Variants in SLC9A2 observed in about 807,000 individuals in gnomAD.
The protein encoded by SLC9A2 is solute carrier family 9 member A2.
In SLC9A2, 42 loss-of-function variants were observed where a neutral mutation model predicts 71.7. The observed-to-expected ratio is 0.59, with a 90% CI of 0.46 to 0.76. The LOEUF (loss-of-function observed/expected upper bound fraction) is 0.76, where lower values mean the gene tolerates loss of function less well. Ranked by LOEUF, SLC9A2 falls within the 30% of genes least tolerant of loss-of-function variation. The pLI, the probability that SLC9A2 is intolerant of heterozygous loss-of-function variation, is 0.00. For synonymous variants in SLC9A2, 396 were observed against 392.5 expected (o/e 1.01, Z -0.10); for missense variants, 829 against 1,017.4 (o/e 0.81, Z 2.52).
At chr2:102,702,355 G>A (rs1185489031) in intron 8 of SLC9A2, 51 bp from the exon 9 acceptor site, 1 of 993,118 alleles carries the variant, frequency 1.0e-6, no homozygotes. Flanking sequence ...GAAAATCAAT[G>A]ATTCTAATAT....
At chr2:102,623,062 T>G (rs1676174129) in intron 1 of SLC9A2, among the ~76,000 whole-genome samples, 1 of 152,122 alleles carries the variant, frequency 6.6e-6, no homozygotes, top group African/African-American at 2.4e-5. Context: ...CACTAGCATC[T>G]TTTTAGCCCA....
At chr2:102,650,528 A>G (rs781777113) in intron 1 of SLC9A2, among the ~76,000 whole-genome samples, 7 of 152,224 alleles carry the variant, frequency 4.6e-5, no homozygotes, top group Non-Finnish European at 1.5e-5. Flanking sequence ...TCTGTTTTTT[A>G]GATTATTTTT....
intron 3 of SLC9A2, among the ~76,000 whole-genome samples, chr2:102,677,258 G>T (rs75496866): frequency 1.3e-5 from 2 of 151,304 alleles, no homozygotes; most frequent in East Asian, 3.9e-4. Context: ...AATCATTTAA[G>T]TAGAAAGGAA....
intron 7 of SLC9A2, among the ~76,000 whole-genome samples, chr2:102,695,652 A>G (rs1434410796): frequency 6.6e-6 from 1 of 150,816 alleles, no homozygotes; most frequent in Admixed American, 6.7e-5. Context: ...TTGGCTGAAA[A>G]CTAGGGCTTC....
intron 4 of SLC9A2, 91 bp from the exon 5 acceptor site, chr2:102,684,043 C>T (rs1677503732): frequency 1.1e-6 from 1 of 909,014 alleles, no homozygotes; most frequent in East Asian, 2.5e-5. Flanking sequence ...AATCCTTTGT[C>T]CCCATCGCAG....
At position 102,708,928 on chromosome 2, in the gene SLC9A2, G is replaced by C. The variant is rs1164131672; in HGVS notation, c.*439G>C. On this transcript the variant is annotated 3_prime_UTR_variant, in exon 12 of 12. Transcript: ENST00000233969. Reference sequence around the variant, plus strand: ...TATCGAGAACAGCTTTCTTTCCCAGGGGTGAAGGATGGCGCTCGGGGGTGA... The same window carrying C: ...TATCGAGAACAGCTTTCTTTCCCAGCGGTGAAGGATGGCGCTCGGGGGTGA... The C allele has an allele frequency of 6.0e-6, 1 of 166,842 alleles. No homozygotes were observed. Among genetic ancestry groups the C allele is most frequent in the Admixed American group, 6.0e-5 (1 of 16,618 alleles). The allele number at this position is 166,842 out of a possible 1,614,324, so 10.3% of individuals were successfully genotyped here.
intron 11 of SLC9A2, among the ~76,000 whole-genome samples, chr2:102,707,078 C>A (rs1014419233): frequency 1.3e-5 from 2 of 152,052 alleles, no homozygotes; most frequent in African/African-American, 4.8e-5. Context: ...GAAAAATAAA[C>A]ACTAGGGATT....
chr2:102,657,432 A>T, intron 1 of SLC9A2, 132 bp from the exon 2 acceptor site: 1 of 626,876 alleles, frequency 1.6e-6, no homozygotes, highest in Non-Finnish European at 2.8e-6. Flanking sequence ...CTGGGAAGCC[A>T]TTGTAAAGAC....
intron 11 of SLC9A2, among the ~76,000 whole-genome samples, chr2:102,706,733 A>C (rs1677984560): frequency 6.6e-6 from 1 of 152,246 alleles, no homozygotes; most frequent in Admixed American, 6.5e-5. Context: ...CATGGGGCCC[A>C]AGGGCAGGTA....
intron 3 of SLC9A2, among the ~76,000 whole-genome samples, chr2:102,677,448 G>A (rs1260386607): frequency 6.6e-6 from 1 of 152,072 alleles, no homozygotes; most frequent in African/African-American, 2.4e-5. Flanking sequence ...TCTCTAAATT[G>A]GTGATAATCA....
chr2:102,640,622 C>T (rs985640151), intron 1 of SLC9A2, among the ~76,000 whole-genome samples: 6 of 152,300 alleles, frequency 3.9e-5, no homozygotes, highest in Middle Eastern at 3.4e-3. Context: ...CTTCTATTTC[C>T]TCTCAGCATG....
intron 3 of SLC9A2, among the ~76,000 whole-genome samples, chr2:102,670,618 A>C (rs1002036407): frequency 2.0e-5 from 3 of 150,994 alleles, no homozygotes; most frequent in East Asian, 1.9e-4. Flanking sequence ...AAAAAAAAAA[A>C]AAAACAACCC....
intron 1 of SLC9A2, among the ~76,000 whole-genome samples, chr2:102,635,117 ATTGCTATT>A (rs1471327896): frequency 2.0e-5 from 3 of 152,344 alleles, no homozygotes; most frequent in African/African-American, 7.2e-5. Flanking sequence ...TAAAGTAATT[ATTGCTATT>A]TTAGAAATGT....
At chr2:102,684,005 A>AG (rs1677503368) in intron 4 of SLC9A2, 129 bp from the exon 5 acceptor site, 1 of 667,700 alleles carries the variant, frequency 1.5e-6, no homozygotes, top group African/African-American at 1.8e-5. Flanking sequence ...ACAGAGAAAA[A>AG]GGGGAAAGAC....
In SLC9A2 at chr2:102,663,685, C is replaced by T. The variant is rs181271985; in HGVS notation, c.754-1415C>T. On this transcript the variant is annotated intron_variant, in intron 2 of 11. Transcript: ENST00000233969. ...CAAATGGGATCAGTTTTGAGTTTCT[C>T]AGAACCCAAATGAGGGTGTAGCACA... 1.3e-3 allele frequency among the ~76,000 whole-genome samples: 193 copies of T among 152,316 alleles called. No homozygotes were observed. In the Middle Eastern group the frequency reaches 0.014, roughly 11 times the overall value.
At chr2:102,624,697 C>A (rs1259623978) in intron 1 of SLC9A2, among the ~76,000 whole-genome samples, 2 of 152,146 alleles carry the variant, frequency 1.3e-5, no homozygotes, top group African/African-American at 4.8e-5. Flanking sequence ...ACTGGTCACT[C>A]TGCTCTTTTG....
rs1360209664 is a variant in SLC9A2 at position 102,709,344 on chromosome 2, A to G, written c.*855A>G. ...CATGTGGCAAGTAGGGCCACAGGGC[A>G]GCACCTGGTTACAACTTGCTGGTGG... On this transcript the variant is annotated 3_prime_UTR_variant, in exon 12 of 12. Coordinates refer to ENST00000233969, the MANE Select transcript of SLC9A2 (RefSeq NM_003048.6). 6.6e-6 allele frequency: 1 copy of G among 152,094 alleles called. No homozygotes were observed. Among genetic ancestry groups the G allele is most frequent in the African/African-American group, 2.4e-5 (1 of 41,156 alleles). 9.4% of individuals were successfully genotyped at this position (152,094 alleles called of 1,614,324 possible).
chr2:102,702,645 T>C, intron 9 of SLC9A2, 143 bp downstream of exon 9: 1 of 593,638 alleles, frequency 1.7e-6, no homozygotes, highest in Non-Finnish European at 3.0e-6. Context: ...TCTGCTTCTC[T>C]CCATCCCTCT....
intron 1 of SLC9A2, among the ~76,000 whole-genome samples, chr2:102,643,273 C>A (rs759474942): frequency 1.3e-5 from 2 of 152,184 alleles, no homozygotes; most frequent in African/African-American, 4.8e-5. Context: ...TGCCCTTTTC[C>A]TTCTCTGACA....
Sources: allele counts gnomAD v4.1 joint callset (sites outside exome capture counted in the v4.1 genomes callset), GRCh38; gene constraint gnomAD v4.1.1; transcripts MANE v1.5; gene names NCBI Gene and HGNC (gene_info 2026-07-23, HGNC 2026-07-21).